C9: variants seen among roughly 807,000 people sequenced by gnomAD.
C9 encodes the protein complement C9.
Under a neutral mutation model 65.4 loss-of-function variants are expected in C9, and 63 were observed. The ratio of observed to expected loss-of-function variants is 0.96; its 90% CI spans 0.79 to 1.19. The LOEUF (loss-of-function observed/expected upper bound fraction) is 1.19. Ranked by LOEUF, C9 falls within the 50% of genes most tolerant of loss-of-function variation. The pLI, the probability that C9 is intolerant of heterozygous loss-of-function variation, is 0.00. For synonymous variants in C9, 229 were observed against 227.9 expected, an observed-to-expected ratio of 1.00 and a Z score of -0.04; for missense variants, 744 against 670.1, an observed-to-expected ratio of 1.11 and a Z score of -1.22.
intron 6 of C9, among the ~76,000 whole-genome samples, chr5:39,313,680 A>G (rs1753525531): frequency 6.6e-6 from 1 of 152,118 alleles, no homozygotes; most frequent in Admixed American, 6.6e-5. Context: ...CTTGTTTTCT[A>G]TTGAAATTCA....
At chr5:39,325,893 C>T (rs1753741509) in intron 5 of C9, among the ~76,000 whole-genome samples, 1 of 151,762 alleles carries the variant, frequency 6.6e-6, no homozygotes, top group African/African-American at 2.4e-5. Flanking sequence ...TGTAGGATAA[C>T]TCCATCTAAT....
chr5:39,334,873 A>G (rs183316535), intron 4 of C9, among the ~76,000 whole-genome samples: 35 of 152,322 alleles, frequency 2.3e-4, no homozygotes, highest in African/African-American at 7.2e-4. Context: ...TGTGGAATAG[A>G]AAAAGGGGAA....
At position 39,288,963 on chromosome 5, in the gene C9, CA is replaced by C; in HGVS notation, c.1417-13del. On this transcript the variant is annotated splice_polypyrimidine_tract_variant and intron_variant, in intron 9 of 10. Transcript: ENST00000263408. ...TATATAGGAGACAGCTGAAAGGAAG[CA>C]AAACATTTAATTTTAGGTCCTTTTT... 1 of 1,441,988 alleles carries C rather than the reference CA, an allele frequency of 6.9e-7. No individual in the cohort carries two copies. Among genetic ancestry groups the C allele is most frequent in the Non-Finnish European group, 9.8e-7 (1 of 1,024,052 alleles). The allele number at this position is 1,441,988 out of a possible 1,614,324, so 89.3% of individuals were successfully genotyped here.
chr5:39,285,078 G>T lies in C9; in HGVS notation c.*121C>A. ...ACCTAAGAGAGAAGAGACTTCAGAG[G>T]TTGGTAGGATTTTCATGAAGCATGT... On this transcript the variant is annotated 3_prime_UTR_variant, in exon 11 of 11. Coordinates refer to ENST00000263408, the MANE Select transcript of C9 (RefSeq NM_001737.5). 1.2e-6 allele frequency: 1 copy of T among 840,850 alleles called. No homozygotes were observed. Among genetic ancestry groups the T allele is most frequent in the Non-Finnish European group, 2.1e-6 (1 of 483,628 alleles). 52.1% of individuals were successfully genotyped at this position (840,850 alleles called of 1,614,324 possible).
chr5:39,349,361 A>T (rs2367865), intron 1 of C9, among the ~76,000 whole-genome samples: 30,238 of 151,880 alleles, frequency 0.2, 3,775 homozygotes, highest in Non-Finnish European at 0.28. Context: ...ATTAAACATA[A>T]AAAGCCAAGG....
chr5:39,295,543 A>C (rs1228207460), intron 9 of C9, among the ~76,000 whole-genome samples: 1 of 151,778 alleles, frequency 6.6e-6, no homozygotes. Flanking sequence ...GAAATGGAAG[A>C]GGATACAAAC....
intron 4 of C9, among the ~76,000 whole-genome samples, chr5:39,334,707 C>T (rs1199839892): frequency 6.6e-6 from 1 of 150,462 alleles, no homozygotes; most frequent in African/African-American, 2.5e-5. Context: ...GCGGTCAGCC[C>T]CCCGCCTGGC....
At chr5:39,359,020 ATATATAT>A (rs1561357693) in intron 1 of C9, among the ~76,000 whole-genome samples, 16 of 9,138 alleles carry the variant, frequency 1.8e-3, no homozygotes, top group South Asian at 0.01. Context: ...AATAAAAAAT[ATATATAT>A]ATATATATAT....
At chr5:39,347,387 CAGAG>C (rs1400025655) in intron 1 of C9, among the ~76,000 whole-genome samples, 2 of 152,126 alleles carry the variant, frequency 1.3e-5, no homozygotes, top group Non-Finnish European at 1.5e-5. Context: ...AACAGACAAA[CAGAG>C]AGCCAAATCA....
intron 5 of C9, among the ~76,000 whole-genome samples, chr5:39,325,259 A>G (rs1753728701): frequency 6.6e-6 from 1 of 152,228 alleles, no homozygotes; most frequent in Non-Finnish European, 1.5e-5. Flanking sequence ...CCCCTCTGCC[A>G]GAACCATCTA....
At position 39,328,112 on chromosome 5, in the gene C9, A is replaced by G. The variant is rs1323467319; in HGVS notation, c.615+3564T>C. Reference sequence around the variant, plus strand: ...TGGAGGCTTAGCAGAATGTCTAGCAATGTACTTGGAGTGGGATCCAGGCTA... The same window carrying G: ...TGGAGGCTTAGCAGAATGTCTAGCAGTGTACTTGGAGTGGGATCCAGGCTA... On this transcript the variant is annotated intron_variant, in intron 5 of 10. Transcript: ENST00000263408. 2.0e-5 allele frequency among the ~76,000 whole-genome samples: 3 copies of G among 152,212 alleles called. No homozygotes were observed. The East Asian group carries it at 5.8e-4, about 29-fold the overall frequency.
At chr5:39,311,448 T>A in intron 6 of C9, 71 bp from the exon 7 acceptor site, 1 of 1,493,640 alleles carries the variant, frequency 6.7e-7, no homozygotes, top group Non-Finnish European at 9.2e-7. Context: ...ATTTATGAAA[T>A]TTAGAACTTC....
chr5:39,353,521 C>G (rs1579881096), intron 1 of C9, among the ~76,000 whole-genome samples: 2 of 152,320 alleles, frequency 1.3e-5, no homozygotes, highest in East Asian at 3.9e-4. Flanking sequence ...CTACATTGAT[C>G]TCATCTTGGA....
At chr5:39,323,185 T>C (rs553213333) in intron 5 of C9, among the ~76,000 whole-genome samples, 1 of 152,018 alleles carries the variant, frequency 6.6e-6, no homozygotes, top group East Asian at 1.9e-4. Flanking sequence ...AAGTCTCCCA[T>C]GAAAGAAAAG....
At chr5:39,314,693 T>A (rs1327475511) in intron 6 of C9, among the ~76,000 whole-genome samples, 1 of 152,140 alleles carries the variant, frequency 6.6e-6, no homozygotes, top group Non-Finnish European at 1.5e-5. Flanking sequence ...ATCTGAAATC[T>A]TACTCTTTGG....
chr5:39,333,648 C>CCCCTCTCCCTCTCTTTCCACGGTCTG (rs1388203689), intron 4 of C9, among the ~76,000 whole-genome samples: 1 of 150,546 alleles, frequency 6.6e-6, no homozygotes, highest in Non-Finnish European at 1.5e-5. Context: ...TCCACGGTCT[C>CCCCTCTCCCTCTCTTTCCACGGTCTG]CCTCTCATGC....
intron 4 of C9, among the ~76,000 whole-genome samples, chr5:39,337,054 A>G (rs572278065): frequency 6.6e-6 from 1 of 152,200 alleles, no homozygotes; most frequent in South Asian, 2.1e-4. Context: ...CTTAAAAAGT[A>G]AGAAGTAAGT....
At chr5:39,329,240 T>C (rs901789699) in intron 5 of C9, among the ~76,000 whole-genome samples, 55 of 152,184 alleles carry the variant, frequency 3.6e-4, no homozygotes, top group African/African-American at 1.3e-3. Context: ...TCAGTAAGTC[T>C]TGACCTGCTG....
Position 39,341,190 on chromosome 5 carries a change from G to A in C9, c.432C>T (p.Asp144=). Residue 144 remains aspartate, a synonymous_variant, in exon 4 of 11, where the codon GAC becomes GAT. Transcript: ENST00000263408. Reference sequence around the variant, plus strand: ...CCAGCTCAGACTCTTCTACCACTCTGTCTCTGCAGGGGGGACGGGGCTCAC... The same window carrying A: ...CCAGCTCAGACTCTTCTACCACTCTATCTCTGCAGGGGGGACGGGGCTCAC... ...CESEPRPPCR[D]RVVEESELAR... The A allele has an allele frequency of 6.2e-7, 1 of 1,614,186 alleles. No individual in the cohort carries two copies. The highest frequency in any genetic ancestry group is 8.5e-7 in the Non-Finnish European group (1 of 1,180,030).
Sources: gnomAD v4.1 joint callset for allele counts (sites outside exome capture counted in the v4.1 genomes callset) on GRCh38, gnomAD v4.1.1 for gene constraint, MANE v1.5 for transcripts, NCBI Gene and HGNC (gene_info 2026-07-23, HGNC 2026-07-21) for gene names.